TBC1D19: variants seen among roughly 807,000 people sequenced by gnomAD.
TBC1D19 encodes TBC1 domain family member 19.
A neutral mutation model predicts 89.0 loss-of-function variants in TBC1D19; 60 were observed. That is an observed-to-expected ratio of 0.67 (90% CI 0.55 to 0.84). The LOEUF (loss-of-function observed/expected upper bound fraction) is 0.84, where lower values mean the gene tolerates loss of function less well. Ranked by LOEUF, TBC1D19 falls within the 40% of genes least tolerant of loss-of-function variation. TBC1D19 has a pLI of 0.00. For synonymous variants in TBC1D19, 189 were observed against 199.7 expected, an observed-to-expected ratio of 0.95 and a Z score of 0.45; for missense variants, 500 against 610.8, an observed-to-expected ratio of 0.82 and a Z score of 1.91.
chr4:26,644,180 G>C (rs765778709), intron 7 of TBC1D19, among the ~76,000 whole-genome samples: 1 of 151,974 alleles, frequency 6.6e-6, no homozygotes, highest in Non-Finnish European at 1.5e-5. Flanking sequence ...CTCAATAAAA[G>C]ATTGGCAAAC....
intron 8 of TBC1D19, 152 bp downstream of exon 8, chr4:26,659,859 G>C (rs377157874): frequency 2.2e-6 from 1 of 464,458 alleles, no homozygotes; most frequent in African/African-American, 1.9e-5. Context: ...TATGTATATA[G>C]AGAGAGCAAG....
At chr4:26,812,988 T>C in the TBC1D19 span, among the ~76,000 whole-genome samples, 1 of 152,042 alleles carries the variant, frequency 6.6e-6, no homozygotes, top group Admixed American at 6.6e-5. The surrounding 1 kb of genome is among the most constrained non-coding windows in gnomAD (Gnocchi z 4.2). Context: ...AGGCCCAAGG[T>C]GGGAGGATCC....
chr4:26,663,731 A>G (rs1328345504), intron 8 of TBC1D19, among the ~76,000 whole-genome samples: 1 of 152,256 alleles, frequency 6.6e-6, no homozygotes, highest in East Asian at 1.9e-4. Flanking sequence ...CCTTGCCTAT[A>G]TCATGCAGCC....
the TBC1D19 span, among the ~76,000 whole-genome samples, chr4:26,779,515 C>T: frequency 6.6e-6 from 1 of 152,206 alleles, no homozygotes; most frequent in East Asian, 1.9e-4. Context: ...ACCTTTCTTT[C>T]CCCGGGTCCT....
intron 19 of TBC1D19, among the ~76,000 whole-genome samples, chr4:26,751,978 A>G (rs933297743): frequency 6.6e-6 from 1 of 152,146 alleles, no homozygotes; most frequent in Non-Finnish European, 1.5e-5. Context: ...ATCTTCACAT[A>G]GTGGTTAGAT....
chr4:26,717,913 T>A lies in TBC1D19; in HGVS notation c.955-20T>A, dbSNP rs1716734149. On this transcript the variant is annotated intron_variant, in intron 13 of 20. Transcript: ENST00000264866. ...TATAATAGTGCTTAATTGCTATTTT[T>A]TTTCCAATGTTATATTCAGGTATTA... 2 of 1,593,276 alleles carry A rather than the reference T, an allele frequency of 1.3e-6. No individual in the cohort carries two copies. Among genetic ancestry groups the A allele is most frequent in the Non-Finnish European group, 1.7e-6 (2 of 1,163,108 alleles).
chr4:26,606,188 G>A lies in TBC1D19; in HGVS notation c.100-6981G>A, dbSNP rs752902583. Among the ~76,000 whole-genome samples the A allele has an allele frequency of 5.9e-5, 9 of 152,108 alleles. No individual in the cohort carries two copies. In the South Asian group the frequency reaches 6.2e-4, roughly 11 times the overall value. ...TAATTTTTAAGAGTGAGGGTCCTGC[G>A]ACTGAAAAGTTTGAATATCAGTGGT... On this transcript the variant is annotated intron_variant, in intron 1 of 20. Transcript: ENST00000264866.
intron 5 of TBC1D19, among the ~76,000 whole-genome samples, chr4:26,638,081 A>AGATGCTTTTCTGAG (rs1743242785): frequency 5.3e-5 from 8 of 152,096 alleles, no homozygotes; most frequent in Middle Eastern, 3.4e-3. Context: ...TCTAATACTC[A>AGATGCTTTTCTGAG]ACATTTATGT....
At chr4:26,673,474 C>CACACACACACACACAA (rs371830256) in intron 10 of TBC1D19, among the ~76,000 whole-genome samples, 2 of 147,812 alleles carry the variant, frequency 1.4e-5, no homozygotes, top group African/African-American at 5.0e-5. Context: ...CACACACACA[C>CACACACACACACACAA]AATACTAGTT....
chr4:26,608,706 T>G (rs942517211), intron 1 of TBC1D19, among the ~76,000 whole-genome samples: 18 of 152,106 alleles, frequency 1.2e-4, no homozygotes, highest in Non-Finnish European at 2.2e-4. Context: ...TACTTTTGAT[T>G]TAGTACATTT....
chr4:26,751,364 T>G (rs1015962977), intron 19 of TBC1D19, among the ~76,000 whole-genome samples: 1 of 152,204 alleles, frequency 6.6e-6, no homozygotes, highest in Non-Finnish European at 1.5e-5. Context: ...TTTCAGCAAC[T>G]ATGTTCAATT....
intron 3 of TBC1D19, among the ~76,000 whole-genome samples, chr4:26,619,719 A>T (rs143979880): frequency 6.3e-4 from 96 of 152,318 alleles, no homozygotes; most frequent in African/African-American, 2.1e-3. Context: ...TGCCAGAAAT[A>T]ATCAATTTGT....
intron 4 of TBC1D19, among the ~76,000 whole-genome samples, chr4:26,636,931 C>T (rs938137191): frequency 2.0e-5 from 3 of 151,942 alleles, no homozygotes; most frequent in Non-Finnish European, 2.9e-5. Flanking sequence ...CATATGACTT[C>T]TTGACATTTT....
intron 1 of TBC1D19, among the ~76,000 whole-genome samples, chr4:26,605,179 A>C: frequency 6.8e-6 from 1 of 147,268 alleles, no homozygotes. Context: ...CATTAGGTAT[A>C]TCTCCTAATG....
chr4:26,827,705 G>GT, the TBC1D19 span, among the ~76,000 whole-genome samples: 1 of 140,234 alleles, frequency 7.1e-6, no homozygotes, highest in East Asian at 2.1e-4. Flanking sequence ...TTCTTTTTTT[G>GT]TTTTTTGTTT....
the TBC1D19 span, among the ~76,000 whole-genome samples, chr4:26,817,315 C>T: frequency 6.6e-6 from 1 of 152,156 alleles, no homozygotes; most frequent in Non-Finnish European, 1.5e-5. Flanking sequence ...GCAGCAACAG[C>T]TCATACTTTT....
At chr4:26,666,279 C>A in intron 8 of TBC1D19, 54 bp from the exon 9 acceptor site, 1 of 1,419,340 alleles carries the variant, frequency 7.0e-7, no homozygotes, top group Non-Finnish European at 9.9e-7. Context: ...GATCTTTTAA[C>A]AATGTGCAGC....
chr4:26,736,209 C>T (rs1442155856), intron 16 of TBC1D19, among the ~76,000 whole-genome samples: 2 of 105,128 alleles, frequency 1.9e-5, no homozygotes, highest in Non-Finnish European at 4.2e-5. Flanking sequence ...GAATACTATG[C>T]AGCCATAAAA....
At chr4:26,700,983 C>G (rs1410022465) in intron 13 of TBC1D19, among the ~76,000 whole-genome samples, 3 of 152,142 alleles carry the variant, frequency 2.0e-5, no homozygotes, top group African/African-American at 7.2e-5. Flanking sequence ...CCTGCATTAC[C>G]TGGCCCACCT....
Sources: gnomAD v4.1 joint callset for allele counts (sites outside exome capture counted in the v4.1 genomes callset) on GRCh38, gnomAD v4.1.1 for gene constraint, Gnocchi (gnomAD v3.1) non-coding constraint, MANE v1.5 for transcripts, NCBI Gene and HGNC (gene_info 2026-07-23, HGNC 2026-07-21) for gene names.